Variants in XRCC4 observed in about 807,000 individuals in gnomAD.
XRCC4 encodes DNA repair protein XRCC4.
A neutral mutation model predicts 39.1 loss-of-function variants in XRCC4; 28 were observed. The observed-to-expected ratio is 0.72, with a 90% CI of 0.53 to 0.98. The LOEUF is 0.98. Ranked by LOEUF, XRCC4 falls within the 50% of genes least tolerant of loss-of-function variation. The pLI is 0.00. For missense variants in XRCC4, 350 were observed against 376.4 expected (o/e 0.93, Z 0.58); for synonymous variants, 123 against 126.4 (o/e 0.97, Z 0.18).
intron 3 of XRCC4, among the ~76,000 whole-genome samples, chr5:83,120,941 C>A (rs1746980925): frequency 6.6e-6 from 1 of 152,104 alleles, no homozygotes; most frequent in African/African-American, 2.4e-5. Context: ...TTCCTTTCTC[C>A]CTCCTTCCTA....
intron 3 of XRCC4, among the ~76,000 whole-genome samples, chr5:83,179,344 C>CT (rs1750103626): frequency 6.6e-6 from 1 of 152,012 alleles, no homozygotes; most frequent in Non-Finnish European, 1.5e-5. Flanking sequence ...GCATGTCTCT[C>CT]TTTTTTAAAT....
intron 3 of XRCC4, among the ~76,000 whole-genome samples, chr5:83,112,760 A>G (rs958669437): frequency 7.2e-6 from 1 of 138,670 alleles, no homozygotes; most frequent in African/African-American, 2.8e-5. Context: ...ACTCCCCTTT[A>G]TAAAATCATT....
At chr5:83,225,424 C>A (rs986186602) in intron 6 of XRCC4, among the ~76,000 whole-genome samples, 7 of 151,642 alleles carry the variant, frequency 4.6e-5, no homozygotes, top group African/African-American at 1.7e-4. Flanking sequence ...ACCTTTTGAT[C>A]CAAAAGGGAT....
At chr5:83,301,933 TA>T (rs771501059) in intron 7 of XRCC4, among the ~76,000 whole-genome samples, 1 of 152,184 alleles carries the variant, frequency 6.6e-6, no homozygotes, top group Non-Finnish European at 1.5e-5. Flanking sequence ...CATTGGTCTG[TA>T]TATCTATTTT....
intron 7 of XRCC4, among the ~76,000 whole-genome samples, chr5:83,265,143 C>A (rs896854093): frequency 2.6e-5 from 4 of 152,064 alleles, no homozygotes; most frequent in Admixed American, 6.6e-5. Context: ...AAGTTTAAAT[C>A]TCAAAGTATT....
chr5:83,286,247 G>C (rs1754728820), intron 7 of XRCC4, among the ~76,000 whole-genome samples: 1 of 152,042 alleles, frequency 6.6e-6, no homozygotes. Flanking sequence ...TAACTTTTCT[G>C]GCTCACACAT....
intron 1 of XRCC4, among the ~76,000 whole-genome samples, chr5:83,096,477 G>C (rs765974808): frequency 2.0e-5 from 3 of 152,098 alleles, no homozygotes; most frequent in African/African-American, 7.2e-5. Flanking sequence ...CTGAAGCCAA[G>C]CCGTTTGGGG....
chr5:83,118,107 A>T (rs1385581927), intron 3 of XRCC4, among the ~76,000 whole-genome samples: 1 of 151,888 alleles, frequency 6.6e-6, no homozygotes, highest in Non-Finnish European at 1.5e-5. Context: ...CTAAAACTCT[A>T]GAATTTGCTA....
chr5:83,304,805 C>T (rs1328047410), intron 7 of XRCC4, among the ~76,000 whole-genome samples: 3 of 152,066 alleles, frequency 2.0e-5, no homozygotes, highest in Admixed American at 1.3e-4. Flanking sequence ...TGCTTTGTTT[C>T]TTCTAAAGCA....
At chr5:83,288,506 T>C (rs1754808331) in intron 7 of XRCC4, among the ~76,000 whole-genome samples, 1 of 151,904 alleles carries the variant, frequency 6.6e-6, no homozygotes, top group African/African-American at 2.4e-5. Context: ...CTTATTTGAC[T>C]GAAAAAGTCT....
chr5:83,131,311 G>A (rs1747567951), intron 3 of XRCC4, among the ~76,000 whole-genome samples: 1 of 151,580 alleles, frequency 6.6e-6, no homozygotes, highest in African/African-American at 2.4e-5. Flanking sequence ...GTTCTAGTTT[G>A]ATTGTTTAGT....
intron 3 of XRCC4, among the ~76,000 whole-genome samples, chr5:83,136,979 G>C (rs759388358): frequency 6.6e-6 from 1 of 152,148 alleles, no homozygotes; most frequent in Non-Finnish European, 1.5e-5. Context: ...AGGTAACCGT[G>C]TGGTGATAGA....
At chr5:83,281,861 T>G (rs1754552134) in intron 7 of XRCC4, among the ~76,000 whole-genome samples, 1 of 152,202 alleles carries the variant, frequency 6.6e-6, no homozygotes, top group Non-Finnish European at 1.5e-5. Context: ...GTAACAAAGG[T>G]ATTCCCCCCA....
chr5:83,199,383 A>G (rs1751084698), intron 4 of XRCC4, among the ~76,000 whole-genome samples: 1 of 152,082 alleles, frequency 6.6e-6, no homozygotes, highest in Non-Finnish European at 1.5e-5. Flanking sequence ...CCGTACTTAA[A>G]GCCTTATTAA....
At chr5:83,307,854 A>T (rs887214282) in intron 7 of XRCC4, among the ~76,000 whole-genome samples, 1 of 152,240 alleles carries the variant, frequency 6.6e-6, no homozygotes, top group African/African-American at 2.4e-5. Flanking sequence ...TTGGCTTTCT[A>T]GAACCATATG....
intron 6 of XRCC4, among the ~76,000 whole-genome samples, chr5:83,234,483 T>A (rs1173583259): frequency 1.3e-5 from 2 of 152,092 alleles, no homozygotes; most frequent in Non-Finnish European, 2.9e-5. Context: ...CATACCACAG[T>A]ACAGCCTCGA....
chr5:83,208,051 G>A (rs977243917), intron 6 of XRCC4, among the ~76,000 whole-genome samples: 2 of 152,056 alleles, frequency 1.3e-5, no homozygotes, highest in African/African-American at 4.8e-5. Flanking sequence ...ATATAATTTG[G>A]TAGTTATTTT....
At chr5:83,164,492 C>T (rs549290774) in intron 3 of XRCC4, among the ~76,000 whole-genome samples, 36 of 152,152 alleles carry the variant, frequency 2.4e-4, no homozygotes, top group African/African-American at 8.2e-4. Context: ...AAATAGCTCC[C>T]TTAGTTCTGG....
the XRCC4 span, among the ~76,000 whole-genome samples, chr5:83,366,699 T>A: frequency 1.3e-5 from 2 of 152,190 alleles, no homozygotes; most frequent in Admixed American, 1.3e-4. Flanking sequence ...CCCCTCTTTT[T>A]GCTTCAGCCA....
Sources: allele counts gnomAD v4.1 joint callset (sites outside exome capture counted in the v4.1 genomes callset), GRCh38; gene constraint gnomAD v4.1.1; transcripts MANE v1.5; gene names NCBI Gene and HGNC (gene_info 2026-07-23, HGNC 2026-07-21).